The following MAMLD1 variants were observed in gnomAD, a reference collection of about 807,000 sequenced individuals.
MAMLD1 encodes the protein mastermind like domain containing 1.
A neutral mutation model predicts 45.0 loss-of-function variants in MAMLD1; 14 were observed. The ratio of observed to expected loss-of-function variants is 0.31; its 90% CI spans 0.21 to 0.49. The LOEUF is 0.49. Ranked by LOEUF, MAMLD1 falls within the 20% of genes least tolerant of loss-of-function variation. The probability of loss-of-function intolerance (pLI) is 0.99; values close to 1 mark genes in which losing one functional copy is unlikely to be tolerated. For synonymous variants in MAMLD1, 254 were observed against 247.8 expected (o/e 1.02, Z -0.24); for missense variants, 543 against 603.6 (o/e 0.90, Z 1.05).
intron 5 of MAMLD1, among the ~76,000 whole-genome samples, chrX:150,486,238 A>G (rs1408258554): frequency 5.4e-5 from 6 of 111,982 alleles, no homozygotes; most frequent in Non-Finnish European, 1.1e-4. Flanking sequence ...AGATAGTGCC[A>G]GCAACTCCAG....
In MAMLD1 at chrX:150,374,398, T is replaced by C. The variant is rs148163409; in HGVS notation, c.-64+10868T>C. On this transcript the variant is annotated intron_variant, in intron 1 of 7. Coordinates refer to ENST00000370401, the MANE Select transcript of MAMLD1 (RefSeq NM_005491.5). ...TGTCAGTTCCACCAAGTTTGGAGCA[T>C]TGTGGGAGATTCAAAAGAGACGGTG... Among the ~76,000 whole-genome samples the C allele has an allele frequency of 3.8e-3, 420 of 111,966 alleles. 4 individuals are homozygous for C. The highest frequency in any genetic ancestry group is 0.012 in the African/African-American group (385 of 30,853).
At position 150,434,445 on chromosome X, in the gene MAMLD1, T is replaced by G. The variant is rs782556494; in HGVS notation, c.-63-11009T>G. On this transcript the variant is annotated intron_variant, in intron 1 of 7. Coordinates refer to ENST00000370401, the MANE Select transcript of MAMLD1 (RefSeq NM_005491.5). The stretch of plus-strand genomic sequence containing the variant: ...GTTATTTCTTGTCTTCTGCTAGTTT[T>G]GGGGCTCATTTGCTCTTGTTTCTCT... Among the ~76,000 whole-genome samples, 3 of 111,299 alleles carry G rather than the reference T, an allele frequency of 2.7e-5. No homozygotes were observed. In the South Asian group the frequency reaches 1.1e-3, roughly 43 times the overall value.
At chrX:150,500,132 C>G (rs1330714406) in intron 5 of MAMLD1, among the ~76,000 whole-genome samples, 1 of 112,194 alleles carries the variant, frequency 8.9e-6, no homozygotes, top group African/African-American at 3.2e-5. Flanking sequence ...CAAGAATGTT[C>G]AGTCAGCCAA....
chrX:150,368,710 C>G (rs782154593), intron 1 of MAMLD1, among the ~76,000 whole-genome samples: 17 of 112,169 alleles, frequency 1.5e-4, no homozygotes, highest in African/African-American at 5.5e-4. Context: ...ACATTTAAGT[C>G]TTTAATCCAT....
chrX:150,471,168 G>A lies in MAMLD1; in HGVS notation c.1595G>A (p.Gly532Glu). The change falls in exon 4 of 8, where the codon GGA becomes GAA. Residue 532 changes from glycine (G) to glutamate (E), a missense_variant. Gly to Glu is a moderately conservative substitution (Grantham distance 98). Transcript: ENST00000370401. ...MQQGMASSSP[G>E]ATEPFTFGNT... ...CAGGGGATGGCAAGCTCCAGCCCAG[G>A]AGCCACGGAGCCATTTACTTTTGGC... is the stretch of plus-strand genomic sequence containing the variant. 8.3e-7 allele frequency: 1 copy of A among 1,211,410 alleles called. No individual in the cohort carries two copies. Among genetic ancestry groups the A allele is most frequent in the Non-Finnish European group, 1.1e-6 (1 of 895,463 alleles).
intron 1 of MAMLD1, among the ~76,000 whole-genome samples, chrX:150,402,052 A>G (rs1311874185): frequency 8.9e-6 from 1 of 112,125 alleles, no homozygotes; most frequent in Non-Finnish European, 1.9e-5. Context: ...AATGGCAACA[A>G]AAGCCAAAAT....
chrX:150,487,205 AT>A (rs1376913499), intron 5 of MAMLD1, among the ~76,000 whole-genome samples: 5 of 111,261 alleles, frequency 4.5e-5, no homozygotes, highest in Non-Finnish European at 7.5e-5. Context: ...GGACTCAGGG[AT>A]TTTTCTTAGC....
At chrX:150,399,097 G>A (rs907458087) in intron 1 of MAMLD1, among the ~76,000 whole-genome samples, 1 of 112,081 alleles carries the variant, frequency 8.9e-6, no homozygotes, top group Admixed American at 9.4e-5. Context: ...GAGCAGTGTT[G>A]TGGAAAGGTT....
intron 1 of MAMLD1, among the ~76,000 whole-genome samples, chrX:150,424,113 G>A (rs1283905926): frequency 8.9e-6 from 1 of 112,393 alleles, no homozygotes; most frequent in Non-Finnish European, 1.9e-5. Context: ...GGAGGTCACT[G>A]TGTGCTGTTT....
intron 5 of MAMLD1, among the ~76,000 whole-genome samples, chrX:150,494,343 G>A (rs1270626239): frequency 9.0e-6 from 1 of 111,231 alleles, no homozygotes; most frequent in Non-Finnish European, 1.9e-5. Flanking sequence ...GCAGTGAGCC[G>A]AGATCATACC....
At chrX:150,387,749 G>A (rs2033000808) in intron 1 of MAMLD1, among the ~76,000 whole-genome samples, 1 of 111,599 alleles carries the variant, frequency 9.0e-6, no homozygotes, top group Non-Finnish European at 1.9e-5. Flanking sequence ...ATAAATGGAT[G>A]TTAAATTTGC....
intron 1 of MAMLD1, among the ~76,000 whole-genome samples, chrX:150,410,846 C>T (rs1188126041): frequency 1.8e-5 from 2 of 111,948 alleles, no homozygotes; most frequent in African/African-American, 6.5e-5. Context: ...CTTGAACCAC[C>T]TGACTACACT....
At position 150,414,144 on chromosome X, in the gene MAMLD1, G is replaced by GC. The variant is rs1277066441; in HGVS notation, c.-63-31304dup. Among the ~76,000 whole-genome samples the GC allele has an allele frequency of 5.3e-4, 58 of 109,379 alleles. No homozygotes were observed. In the South Asian group the frequency reaches 0.022, roughly 42 times the overall value. The allele number at this position is 109,379 out of a possible 115,157, so 95.0% of individuals were successfully genotyped here. ...ATGTAGCTATGGTTTGCTTGATGTG[G>GC]CCCCCCTGGAAAAATTCAGGAACAT... is the stretch of plus-strand genomic sequence containing the variant. On this transcript the variant is annotated intron_variant, in intron 1 of 7. Coordinates refer to ENST00000370401, the MANE Select transcript of MAMLD1 (RefSeq NM_005491.5).
At chrX:150,370,874 G>A (rs1390164691) in intron 1 of MAMLD1, among the ~76,000 whole-genome samples, 2 of 112,192 alleles carry the variant, frequency 1.8e-5, no homozygotes, top group Admixed American at 9.4e-5. Context: ...TGTAGGCACT[G>A]AGCTCCCAGA....
chrX:150,472,541 G>A (rs2036461819), intron 4 of MAMLD1, among the ~76,000 whole-genome samples: 1 of 112,241 alleles, frequency 8.9e-6, no homozygotes, highest in Non-Finnish European at 1.9e-5. Context: ...GGTTTCTCAT[G>A]AGCTATTGGC....
rs1212078384 is a variant in MAMLD1, at chrX:150,485,826, T to A, written c.2040+12024T>A. On this transcript the variant is annotated intron_variant, in intron 5 of 7. Coordinates refer to ENST00000370401, the MANE Select transcript of MAMLD1 (RefSeq NM_005491.5). ...ACAGATGGTTCAGGTGTGTTAGATTTGTCTCTGTAAATGAATTGGTCAGTA... is the reference window on the plus strand; with the variant it reads ...ACAGATGGTTCAGGTGTGTTAGATTAGTCTCTGTAAATGAATTGGTCAGTA... Among the ~76,000 whole-genome samples, 3 of 112,077 alleles carry A rather than the reference T, an allele frequency of 2.7e-5. 1 individual carries two copies. Among genetic ancestry groups the A allele is most frequent in the Non-Finnish European group, 5.6e-5 (3 of 53,269 alleles).
In MAMLD1 at chrX:150,387,615, C is replaced by A. The variant is rs782084334; in HGVS notation, c.-64+24085C>A. ...TTGATATATGAGTGGGGTCCTGGAACCAACCCTTCATGTATACCAAGGGAG... is the reference window on the plus strand; with the variant it reads ...TTGATATATGAGTGGGGTCCTGGAAACAACCCTTCATGTATACCAAGGGAG... On this transcript the variant is annotated intron_variant, in intron 1 of 7. Coordinates refer to ENST00000370401, the MANE Select transcript of MAMLD1 (RefSeq NM_005491.5). Among the ~76,000 whole-genome samples, 3 of 111,895 alleles carry A rather than the reference C, an allele frequency of 2.7e-5. No individual in the cohort carries two copies. In the South Asian group the frequency reaches 1.1e-3, roughly 42 times the overall value.
At chrX:150,413,887 G>A (rs2034182749) in intron 1 of MAMLD1, among the ~76,000 whole-genome samples, 2 of 108,677 alleles carry the variant, frequency 1.8e-5, no homozygotes, top group African/African-American at 6.7e-5. Context: ...TGTGATGGAG[G>A]AAGTGATTGT....
chrX:150,398,290 G>GAACAAGAAGAAC (rs1365570443), intron 1 of MAMLD1, among the ~76,000 whole-genome samples: 1 of 84,319 alleles, frequency 1.2e-5, no homozygotes, highest in African/African-American at 4.6e-5. Context: ...AGAAGAAGAA[G>GAACAAGAAGAAC]AAGAAGAAGA....
Sources: gnomAD v4.1 joint callset for allele counts (sites outside exome capture counted in the v4.1 genomes callset) on GRCh38, gnomAD v4.1.1 for gene constraint, MANE v1.5 for transcripts, NCBI Gene and HGNC (gene_info 2026-07-23, HGNC 2026-07-21) for gene names.